The following ST6GALNAC3 variants were observed in gnomAD, a reference collection of about 807,000 sequenced individuals.
ST6GALNAC3 encodes the protein ST6 N-acetylgalactosaminide alpha-2,6-sialyltransferase 3, also known as alpha-N-acetylgalactosaminide alpha-2,6-sialyltransferase 3.
In ST6GALNAC3, 25 loss-of-function variants were observed where a neutral mutation model predicts 32.7. That is an observed-to-expected ratio of 0.76 (90% CI 0.56 to 1.07). The LOEUF (loss-of-function observed/expected upper bound fraction) is 1.07, where lower values mean the gene tolerates loss of function less well. Among genes scored for constraint, ST6GALNAC3 ranks in the 50% least tolerant of loss-of-function variants. The probability of loss-of-function intolerance (pLI) is 0.00; values close to 1 mark genes in which losing one functional copy is unlikely to be tolerated. For missense variants in ST6GALNAC3, 355 were observed against 382.4 expected (o/e 0.93, Z 0.60); for synonymous variants, 129 against 133.1 (o/e 0.97, Z 0.21).
intron 2 of ST6GALNAC3, among the ~76,000 whole-genome samples, chr1:76,333,983 A>G (rs769429411): frequency 3.9e-5 from 6 of 152,316 alleles, no homozygotes; most frequent in Middle Eastern, 3.4e-3. Flanking sequence ...AACACAAGCA[A>G]TCTAACCTAA....
In ST6GALNAC3 at chr1:76,437,296, A is replaced by G. The variant is rs532496796; in HGVS notation, c.623+24879A>G. On this transcript the variant is annotated intron_variant, in intron 3 of 4. Coordinates refer to ENST00000328299, the MANE Select transcript of ST6GALNAC3 (RefSeq NM_152996.4). The stretch of plus-strand genomic sequence containing the variant: ...ATGATTTCTTCATCTCAGCTTTCTC[A>G]GGTCTCTCGAGATATTTATTCATAG... 6.6e-5 allele frequency among the ~76,000 whole-genome samples: 10 copies of G among 152,248 alleles called. No individual in the cohort carries two copies. In the East Asian group the frequency reaches 2.0e-3, roughly 30 times the overall value.
chr1:76,250,145 T>A (rs1019001222), intron 1 of ST6GALNAC3, among the ~76,000 whole-genome samples: 2 of 152,210 alleles, frequency 1.3e-5, no homozygotes, highest in African/African-American at 4.8e-5. Flanking sequence ...TCACTTGTAC[T>A]TTGGGTGACA....
intron 2 of ST6GALNAC3, among the ~76,000 whole-genome samples, chr1:76,376,160 C>T (rs1651211512): frequency 6.6e-6 from 1 of 151,496 alleles, no homozygotes; most frequent in African/African-American, 2.4e-5. Flanking sequence ...GATTCACATG[C>T]AGTTGTAAGA....
chr1:76,484,660 A>G (rs927923044), intron 3 of ST6GALNAC3, among the ~76,000 whole-genome samples: 1 of 152,200 alleles, frequency 6.6e-6, no homozygotes, highest in South Asian at 2.1e-4. Flanking sequence ...CAATCATGTC[A>G]TCTGCAAACA....
intron 1 of ST6GALNAC3, among the ~76,000 whole-genome samples, chr1:76,206,620 C>T (rs534458647): frequency 1.7e-4 from 26 of 151,922 alleles, no homozygotes; most frequent in Middle Eastern, 3.4e-3. Flanking sequence ...CCCAGCTACT[C>T]GGGAGGCTGA....
intron 1 of ST6GALNAC3, among the ~76,000 whole-genome samples, chr1:76,230,481 G>A (rs189187969): frequency 7.6e-4 from 115 of 152,152 alleles, no homozygotes; most frequent in African/African-American, 2.7e-3. Context: ...AGTTTTTAGG[G>A]TCCTATGGCA....
At chr1:76,459,983 C>G (rs1384759995) in intron 3 of ST6GALNAC3, among the ~76,000 whole-genome samples, 1 of 152,054 alleles carries the variant, frequency 6.6e-6, no homozygotes, top group Non-Finnish European at 1.5e-5. Context: ...TACCTGTTTT[C>G]AGTTCTTTTG....
intron 1 of ST6GALNAC3, among the ~76,000 whole-genome samples, chr1:76,145,895 T>C (rs1258362393): frequency 6.6e-6 from 1 of 152,252 alleles, no homozygotes; most frequent in East Asian, 1.9e-4. Context: ...GATTTACAAG[T>C]GATTAATTTA....
intron 1 of ST6GALNAC3, among the ~76,000 whole-genome samples, chr1:76,176,717 T>G (rs765870945): frequency 2.6e-5 from 4 of 152,172 alleles, no homozygotes; most frequent in Non-Finnish European, 4.4e-5. Flanking sequence ...TATATAAGAA[T>G]AAAATATCAG....
intron 2 of ST6GALNAC3, among the ~76,000 whole-genome samples, chr1:76,366,750 A>T (rs1309730661): frequency 6.6e-6 from 1 of 152,200 alleles, no homozygotes; most frequent in Non-Finnish European, 1.5e-5. Flanking sequence ...AAAACAGAAG[A>T]TGATAGCACC....
intron 1 of ST6GALNAC3, among the ~76,000 whole-genome samples, chr1:76,230,339 A>T (rs539982844): frequency 8.5e-5 from 13 of 152,276 alleles, no homozygotes; most frequent in Admixed American, 4.6e-4. Context: ...TCTCTCTGTT[A>T]TTACTATATT....
Position 76,391,522 on chromosome 1 carries a change from ACCTTCCTTCCTTCCTTCCTT to A in ST6GALNAC3, c.214-20454_214-20435del, listed in dbSNP as rs71071997. 9.0e-4 allele frequency among the ~76,000 whole-genome samples: 124 copies of A among 137,730 alleles called. No homozygotes were observed. In the South Asian group the frequency reaches 0.016, roughly 18 times the overall value. The allele number at this position is 137,730 out of a possible 152,430, so 90.4% of individuals were successfully genotyped here. A position where few individuals can be genotyped will look rare whatever the true frequency, so the allele number is the denominator to read the frequency against. ...AACAAATCGTAAGCCATTAGGAAAG[ACCTTCCTTCCTTCCTTCCTT>A]CCTTCCTTCCTTCCTTCCTTCCTTC... On this transcript the variant is annotated intron_variant, in intron 2 of 4. Transcript: ENST00000328299.
At chr1:76,360,353 A>G (rs775749868) in intron 2 of ST6GALNAC3, among the ~76,000 whole-genome samples, 9 of 152,126 alleles carry the variant, frequency 5.9e-5, no homozygotes, top group Non-Finnish European at 8.8e-5. Flanking sequence ...CAGGTTATAT[A>G]GAGGCCTGTG....
intron 1 of ST6GALNAC3, among the ~76,000 whole-genome samples, chr1:76,285,335 T>C (rs927704094): frequency 2.0e-5 from 3 of 151,828 alleles, no homozygotes; most frequent in African/African-American, 7.2e-5. Flanking sequence ...ACCTTACCTA[T>C]AGTCTTCTAA....
At chr1:76,102,607 T>C (rs1215605161) in intron 1 of ST6GALNAC3, among the ~76,000 whole-genome samples, 4 of 152,046 alleles carry the variant, frequency 2.6e-5, no homozygotes, top group Admixed American at 6.6e-5. Context: ...GTGCTTACAC[T>C]AGAGATTATA....
chr1:76,466,276 A>G (rs1246773702), intron 3 of ST6GALNAC3, among the ~76,000 whole-genome samples: 4 of 152,076 alleles, frequency 2.6e-5, no homozygotes, highest in Non-Finnish European at 5.9e-5. Context: ...TATTTAGAAG[A>G]GGAGAGATGT....
intron 1 of ST6GALNAC3, among the ~76,000 whole-genome samples, chr1:76,211,826 C>T (rs1235634869): frequency 6.6e-6 from 1 of 152,106 alleles, no homozygotes; most frequent in Non-Finnish European, 1.5e-5. Context: ...AGGAGATATA[C>T]CTAATGTTAA....
At chr1:76,149,421 A>T (rs1650900171) in intron 1 of ST6GALNAC3, among the ~76,000 whole-genome samples, 1 of 152,228 alleles carries the variant, frequency 6.6e-6, no homozygotes, top group African/African-American at 2.4e-5. Context: ...AAGCAGACCT[A>T]TAAGCAAAGG....
chr1:76,252,269 A>G (rs1008967297), intron 1 of ST6GALNAC3, among the ~76,000 whole-genome samples: 1 of 152,164 alleles, frequency 6.6e-6, no homozygotes, highest in African/African-American at 2.4e-5. Context: ...CAAGGCTTTT[A>G]TAATATGTCT....
Sources: allele counts gnomAD v4.1 joint callset (sites outside exome capture counted in the v4.1 genomes callset), GRCh38; gene constraint gnomAD v4.1.1; transcripts MANE v1.5; gene names NCBI Gene and HGNC (gene_info 2026-07-23, HGNC 2026-07-21).